IL1RAPL1: variants seen among roughly 807,000 people sequenced by gnomAD.
The protein encoded by IL1RAPL1 is interleukin 1 receptor accessory protein like 1.
Under a neutral mutation model 48.4 loss-of-function variants are expected in IL1RAPL1, and 3 were observed. The observed-to-expected ratio is 0.06, with a 90% CI of 0.03 to 0.16. The LOEUF is 0.16. Ranked by LOEUF, IL1RAPL1 falls within the 10% of genes least tolerant of loss-of-function variation. The pLI is 1.00. For synonymous variants in IL1RAPL1, 185 were observed against 187.7 expected (o/e 0.99, Z 0.12); for missense variants, 349 against 530.6 (o/e 0.66, Z 3.36).
rs1056418401 is a variant in IL1RAPL1 at position 28,687,892 on chromosome X, A to T, written c.-25+99845A>T. Among the ~76,000 whole-genome samples, 4 of 111,204 alleles carry T rather than the reference A, an allele frequency of 3.6e-5. 1 individual carries two copies. The highest frequency in any genetic ancestry group is 1.3e-4 in the African/African-American group (4 of 30,688). On this transcript the variant is annotated intron_variant, in intron 1 of 10. Transcript: ENST00000378993. ...TGAGGCAGGCAGATCACCTGAGGTC[A>T]GGAGTTAGAGACCAGCCTGGCCAAC...
intron 5 of IL1RAPL1, among the ~76,000 whole-genome samples, chrX:29,521,423 C>T (rs1224887633): frequency 2.7e-5 from 3 of 111,912 alleles, no homozygotes; most frequent in Non-Finnish European, 5.6e-5. Flanking sequence ...GTTATATGAT[C>T]TCACCACTAC....
intron 5 of IL1RAPL1, among the ~76,000 whole-genome samples, chrX:29,568,572 A>G (rs1053605129): frequency 6.3e-5 from 7 of 111,181 alleles, no homozygotes; most frequent in African/African-American, 2.3e-4. Flanking sequence ...ATTTTCTGAG[A>G]AAATTTTCTG....
intron 2 of IL1RAPL1, among the ~76,000 whole-genome samples, chrX:29,252,621 G>A (rs1379807347): frequency 1.3e-5 from 1 of 79,569 alleles, no homozygotes; most frequent in Non-Finnish European, 2.8e-5. Flanking sequence ...TTGAGACGCT[G>A]TGTAATTTCA....
intron 1 of IL1RAPL1, among the ~76,000 whole-genome samples, chrX:28,657,351 G>C (rs1934761361): frequency 9.0e-6 from 1 of 111,600 alleles, no homozygotes; most frequent in African/African-American, 3.3e-5. Context: ...TTTTTTTCCA[G>C]TTCCAGTAAA....
In IL1RAPL1 at chrX:29,399,618, G is replaced by A. The variant is rs2294534; in HGVS notation, c.703+310G>A. The stretch of plus-strand genomic sequence containing the variant: ...GGCGAATCACGAGGTCAGGGGTTCA[G>A]GACCAGCCTGGCCAACATGGTGAAA... On this transcript the variant is annotated intron_variant, in intron 5 of 10. Transcript: ENST00000378993. Among the ~76,000 whole-genome samples the A allele has an allele frequency of 0.3, 32,762 of 109,688 alleles. 5,469 individuals carry two copies. Among genetic ancestry groups the A allele is most frequent in the African/African-American group, 0.63 (18,927 of 29,962 alleles).
At chrX:28,720,547 T>C (rs1258471578) in intron 1 of IL1RAPL1, among the ~76,000 whole-genome samples, 1 of 112,364 alleles carries the variant, frequency 8.9e-6, no homozygotes, top group African/African-American at 3.2e-5. Context: ...AATGATACTT[T>C]TAAATTTCTG....
chrX:29,165,140 G>A (rs1161027780), intron 2 of IL1RAPL1, among the ~76,000 whole-genome samples: 1 of 111,822 alleles, frequency 8.9e-6, no homozygotes, highest in African/African-American at 3.2e-5. Flanking sequence ...CCAATGAGGT[G>A]AAACCTCATC....
At chrX:29,091,006 A>G (rs1928077482) in intron 2 of IL1RAPL1, among the ~76,000 whole-genome samples, 1 of 112,251 alleles carries the variant, frequency 8.9e-6, no homozygotes, top group Non-Finnish European at 1.9e-5. Context: ...TGATGCAACA[A>G]TGCCATCTAT....
At chrX:29,145,676 C>G (rs770219516) in intron 2 of IL1RAPL1, among the ~76,000 whole-genome samples, 1 of 111,971 alleles carries the variant, frequency 8.9e-6, no homozygotes, top group South Asian at 3.7e-4. Context: ...CTCATCCTCA[C>G]GTGGTGGAAA....
intron 1 of IL1RAPL1, among the ~76,000 whole-genome samples, chrX:28,733,707 C>G (rs1170239552): frequency 9.1e-6 from 1 of 110,321 alleles, no homozygotes; most frequent in African/African-American, 3.3e-5. Context: ...TTCCTTGGTC[C>G]TCTTCTCAAT....
At chrX:29,619,831 G>A (rs1924407668) in intron 5 of IL1RAPL1, among the ~76,000 whole-genome samples, 1 of 111,680 alleles carries the variant, frequency 9.0e-6, no homozygotes, top group Non-Finnish European at 1.9e-5. Context: ...CATAAACAAA[G>A]TTTTGAAATC....
intron 2 of IL1RAPL1, among the ~76,000 whole-genome samples, chrX:28,815,458 G>A (rs1440229708): frequency 9.1e-6 from 1 of 109,636 alleles, no homozygotes; most frequent in South Asian, 3.8e-4. Context: ...TTTACAGTAG[G>A]AACATTAGCA....
rs957507535 is a variant in IL1RAPL1, at chrX:28,636,046, G to A, written c.-25+47999G>A. On this transcript the variant is annotated intron_variant, in intron 1 of 10. Transcript: ENST00000378993. The stretch of plus-strand genomic sequence containing the variant: ...ATTTATCTAGTCTATTGGTCTATCC[G>A]TATTTTTCCATATCTCCAAAAGCAT... 8.1e-5 allele frequency among the ~76,000 whole-genome samples: 9 copies of A among 111,022 alleles called. No homozygotes were observed. In the South Asian group the frequency reaches 1.9e-3, roughly 23 times the overall value.
At chrX:29,507,498 G>A (rs867380518) in intron 5 of IL1RAPL1, among the ~76,000 whole-genome samples, 1 of 86,759 alleles carries the variant, frequency 1.2e-5, no homozygotes, top group Non-Finnish European at 2.2e-5. Context: ...TTGACCTCCC[G>A]GGCTCAGGCA....
chrX:29,663,006 G>T (rs1925893876), intron 5 of IL1RAPL1, among the ~76,000 whole-genome samples: 1 of 112,248 alleles, frequency 8.9e-6, no homozygotes, highest in South Asian at 3.7e-4. Flanking sequence ...AAATGTTGAT[G>T]TTTTCTTCTG....
intron 5 of IL1RAPL1, among the ~76,000 whole-genome samples, chrX:29,490,834 ATG>A (rs199987230): frequency 1.0e-4 from 10 of 95,872 alleles, no homozygotes; most frequent in Admixed American, 2.2e-4. Context: ...CATCTGAGGT[ATG>A]TGTGTGTGTG....
intron 2 of IL1RAPL1, among the ~76,000 whole-genome samples, chrX:28,823,135 G>GT (rs1361296553): frequency 9.0e-6 from 1 of 111,147 alleles, no homozygotes; most frequent in Non-Finnish European, 1.9e-5. Context: ...CTATGTCCTT[G>GT]TTCCTTCCCG....
intron 9 of IL1RAPL1, among the ~76,000 whole-genome samples, chrX:29,944,952 TA>T (rs1280605041): frequency 1.4e-3 from 147 of 102,437 alleles, no homozygotes; most frequent in Admixed American, 2.7e-3. Flanking sequence ...ACCTTCCCAT[TA>T]AAAAAAAAAA....
chrX:29,779,144 G>A (rs1228264718), intron 6 of IL1RAPL1, among the ~76,000 whole-genome samples: 3 of 111,649 alleles, frequency 2.7e-5, no homozygotes, highest in Non-Finnish European at 5.7e-5. Context: ...TGATAAAATC[G>A]ATGGGCATTT....
Sources: allele counts gnomAD v4.1 joint callset (sites outside exome capture counted in the v4.1 genomes callset), GRCh38; gene constraint gnomAD v4.1.1; transcripts MANE v1.5; gene names NCBI Gene and HGNC (gene_info 2026-07-23, HGNC 2026-07-21).